KCTD3: variants seen among roughly 807,000 people sequenced by gnomAD.
The protein encoded by KCTD3 is potassium channel tetramerization domain containing 3.
A neutral mutation model predicts 85.8 loss-of-function variants in KCTD3; 41 were observed. That is an observed-to-expected ratio of 0.48 (90% CI 0.37 to 0.62). The LOEUF (loss-of-function observed/expected upper bound fraction) is 0.62, where lower values mean the gene tolerates loss of function less well. KCTD3 is among the 20% of genes least tolerant of loss of function. KCTD3 has a pLI of 0.00. For synonymous variants in KCTD3, 338 were observed against 345.4 expected, an observed-to-expected ratio of 0.98 and a Z score of 0.24; for missense variants, 724 against 989.9, an observed-to-expected ratio of 0.73 and a Z score of 3.60.
At chr1:215,601,157 G>T (rs896984791) in intron 10 of KCTD3, among the ~76,000 whole-genome samples, 1 of 142,640 alleles carries the variant, frequency 7.0e-6, no homozygotes, top group Non-Finnish European at 1.5e-5. Context: ...GGCTGATTTC[G>T]AATTCCTGAC....
At position 215,567,344 on chromosome 1, in the gene KCTD3, T is replaced by A. The variant is rs1659157125; in HGVS notation, c.-342T>A. The A allele has an allele frequency of 6.0e-6, 1 of 168,050 alleles. No homozygotes were observed. The highest frequency in any genetic ancestry group is 6.4e-5 in the Admixed American group (1 of 15,732). The allele number at this position is 168,050 out of a possible 1,614,324, so 10.4% of individuals were successfully genotyped here. A position where few individuals can be genotyped will look rare whatever the true frequency, so the allele number is the denominator to read the frequency against. On this transcript the variant is annotated 5_prime_UTR_variant, in exon 1 of 18. Coordinates refer to ENST00000259154, the MANE Select transcript of KCTD3 (RefSeq NM_016121.5). ...GGCGGGCGAAGCGTGAGCGCTGCGG[T>A]ATTTTGTCCCGAACGGTGACCCCTC...
At chr1:215,569,901 A>G (rs1332022727) in intron 1 of KCTD3, among the ~76,000 whole-genome samples, 3 of 152,202 alleles carry the variant, frequency 2.0e-5, no homozygotes, top group Non-Finnish European at 4.4e-5. Flanking sequence ...GAAAATTGTT[A>G]AGATAAAATG....
intron 15 of KCTD3, among the ~76,000 whole-genome samples, chr1:215,614,082 G>A (rs1655339892): frequency 1.4e-5 from 2 of 142,738 alleles, no homozygotes; most frequent in Non-Finnish European, 3.0e-5. Flanking sequence ...ACCCAGGCTG[G>A]AGTGCAGTGG....
chr1:215,571,596 G>T (rs144184742), intron 1 of KCTD3, among the ~76,000 whole-genome samples: 1 of 150,786 alleles, frequency 6.6e-6, no homozygotes, highest in African/African-American at 2.4e-5. Flanking sequence ...CTTACAAATT[G>T]TAAAGTTGTA....
intron 15 of KCTD3, among the ~76,000 whole-genome samples, chr1:215,615,824 A>AT (rs1432434077): frequency 6.6e-6 from 1 of 152,184 alleles, no homozygotes; most frequent in Non-Finnish European, 1.5e-5. Context: ...AAAAGTGTCC[A>AT]TTTTTATGCT....
chr1:215,591,332 TTCCTTC>T (rs1660204985), intron 9 of KCTD3, among the ~76,000 whole-genome samples: 2 of 148,224 alleles, frequency 1.3e-5, no homozygotes, highest in African/African-American at 5.0e-5. Flanking sequence ...CCTTCCTTCC[TTCCTTC>T]CTTCCTTCTC....
Position 215,578,018 on chromosome 1 carries a change from T to C in KCTD3, c.334T>C (p.Cys112Arg), listed in dbSNP as rs2102558506. 6.2e-7 allele frequency: 1 copy of C among 1,612,170 alleles called. No individual in the cohort carries two copies. Among genetic ancestry groups the C allele is most frequent in the Non-Finnish European group, 8.5e-7 (1 of 1,178,924 alleles). Residue 112 changes from cysteine (C) to arginine (R), a missense_variant, in exon 6 of 18, where the codon TGT (cysteine) becomes CGT (arginine). Cys to Arg is a radical substitution (Grantham distance 180, BLOSUM62 -3). This residue lies in a region of KCTD3 where 17 missense variants were observed against 40.4 expected (regional missense o/e 0.42). Transcript: ENST00000259154. Reference protein sequence around the residue: ...ITPLVRRLLLCEELERSSCGS... With the variant: ...ITPLVRRLLLREELERSSCGS... Reference sequence around the variant, plus strand: ...GTTTTTAGTAAGAAGGCTTCTCTTATGTGAAGAATTGGAGCGTTCCTCTTG... The same window carrying C: ...GTTTTTAGTAAGAAGGCTTCTCTTACGTGAAGAATTGGAGCGTTCCTCTTG...
intron 14 of KCTD3, among the ~76,000 whole-genome samples, chr1:215,611,519 A>G (rs547000412): frequency 6.6e-6 from 1 of 152,172 alleles, no homozygotes; most frequent in Non-Finnish European, 1.5e-5. Context: ...GATAGTAAAT[A>G]TCTTAACAGG....
intron 10 of KCTD3, among the ~76,000 whole-genome samples, chr1:215,596,327 G>A (rs546668772): frequency 6.6e-6 from 1 of 152,214 alleles, no homozygotes; most frequent in East Asian, 1.9e-4. Context: ...TTGTTCAAGT[G>A]TAGATGTTAA....
intron 15 of KCTD3, chr1:215,618,259 C>T (rs75181256): frequency 0.013 from 3,896 of 309,704 alleles, 152 homozygotes; most frequent in South Asian, 0.077. Context: ...AAGAATGAGA[C>T]TAGGATAGTC....
At chr1:215,576,017 T>G in intron 4 of KCTD3, 43 bp downstream of exon 4, 1 of 978,454 alleles carries the variant, frequency 1.0e-6, no homozygotes, top group East Asian at 2.6e-5. Flanking sequence ...TACTGATAAA[T>G]ATGTGTTTTT....
chr1:215,579,869 G>A (rs749802239), intron 7 of KCTD3, 40 bp from the exon 8 acceptor site: 17 of 1,455,652 alleles, frequency 1.2e-5, no homozygotes, highest in Middle Eastern at 1.7e-4. Context: ...GCCAACCCCC[G>A]GTTTAGAATG....
At position 215,567,495 on chromosome 1, in the gene KCTD3, G is replaced by A; in HGVS notation, c.-191G>A. ...CCCTTGTGCACCGCAGGATTGACCC[G>A]GGAAGGGGCAGAAGCTAGCGAGCCC... On this transcript the variant is annotated 5_prime_UTR_variant, in exon 1 of 18. Transcript: ENST00000259154. 3.6e-6 allele frequency: 1 copy of A among 275,818 alleles called. No homozygotes were observed. The highest frequency in any genetic ancestry group is 6.7e-6 in the Non-Finnish European group (1 of 149,858). 17.1% of individuals were successfully genotyped at this position (275,818 alleles called of 1,614,324 possible).
chr1:215,569,665 G>C (rs2102549142), intron 1 of KCTD3, among the ~76,000 whole-genome samples: 1 of 146,746 alleles, frequency 6.8e-6, no homozygotes, highest in South Asian at 2.2e-4. Context: ...GTGCGATCTC[G>C]GCTCACTGCA....
At chr1:215,608,557 TGA>T (rs1215475934) in intron 14 of KCTD3, among the ~76,000 whole-genome samples, 1 of 152,002 alleles carries the variant, frequency 6.6e-6, no homozygotes, top group South Asian at 2.1e-4. Context: ...TCCCTATAAA[TGA>T]GAGTCATTTT....
chr1:215,592,327 C>T (rs1361370909), intron 9 of KCTD3, among the ~76,000 whole-genome samples: 1 of 152,008 alleles, frequency 6.6e-6, no homozygotes, highest in East Asian at 1.9e-4. Context: ...TGCCTGTTGT[C>T]CAATACCTAA....
intron 15 of KCTD3, among the ~76,000 whole-genome samples, chr1:215,615,970 A>G (rs1655427805): frequency 6.6e-6 from 1 of 152,216 alleles, no homozygotes; most frequent in Admixed American, 6.5e-5. Flanking sequence ...GGGATGGGGC[A>G]GAACCCCTCT....
In KCTD3 at chr1:215,586,622, G is replaced by C. The variant is rs771502821; in HGVS notation, c.754G>C (p.Val252Leu). The C allele has an allele frequency of 1.2e-6, 2 of 1,614,148 alleles. No individual in the cohort carries two copies. Among genetic ancestry groups the C allele is most frequent in the Admixed American group, 1.7e-5 (1 of 60,024 alleles). Residue 252 changes from valine to leucine, a missense_variant, in exon 9 of 18, where the codon GTT becomes CTT. This residue lies in a region of KCTD3 where 146 missense variants were observed against 320.3 expected (regional missense o/e 0.46). Coordinates refer to ENST00000259154, the MANE Select transcript of KCTD3 (RefSeq NM_016121.5). ...TGGAGACAAAGACAAAATGGTTGCT[G>C]TTGCCTCAGAGAGTAGCATCATCTT... is the stretch of plus-strand genomic sequence containing the variant. ...PHGDKDKMVA[V>L]ASESSIILWS...
At chr1:215,592,588 A>G (rs1476309704) in intron 9 of KCTD3, among the ~76,000 whole-genome samples, 2 of 152,324 alleles carry the variant, frequency 1.3e-5, no homozygotes, top group East Asian at 3.9e-4. Context: ...AATAAGTGAA[A>G]GAAATTTTAT....
Sources: gnomAD v4.1 joint callset for allele counts (sites outside exome capture counted in the v4.1 genomes callset) on GRCh38, gnomAD v4.1.1 for gene constraint, gnomAD v4.1.1 regional missense constraint, MANE v1.5 for transcripts, NCBI Gene and HGNC (gene_info 2026-07-23, HGNC 2026-07-21) for gene names.